CACNA1A: variants seen among roughly 807,000 people sequenced by gnomAD.
The protein encoded by CACNA1A is calcium voltage-gated channel subunit alpha1 A, also known as voltage-dependent P/Q-type calcium channel subunit alpha-1A.
CACNA1A carries 57 observed loss-of-function variants against 262.4 expected under a neutral mutation model. The observed-to-expected ratio is 0.22, with a 90% CI of 0.18 to 0.27. CACNA1A has a LOEUF of 0.27. Ranked by LOEUF, CACNA1A falls within the 10% of genes least tolerant of loss-of-function variation. CACNA1A has a pLI of 1.00. For missense variants in CACNA1A, 2,526 were observed against 3,562.8 expected, an observed-to-expected ratio of 0.71 and a Z score of 7.41; for synonymous variants, 1,431 against 1,419.3, an observed-to-expected ratio of 1.01 and a Z score of -0.18.
chr19:13,373,651 T>C (rs1382269250), intron 3 of CACNA1A, among the ~76,000 whole-genome samples: 3 of 152,208 alleles, frequency 2.0e-5, no homozygotes, highest in Non-Finnish European at 4.4e-5. Context: ...TCAGATGAAC[T>C]ACTTGCACAA....
intron 3 of CACNA1A, among the ~76,000 whole-genome samples, chr19:13,416,642 C>T (rs1363646700): frequency 3.9e-5 from 6 of 152,040 alleles, no homozygotes; most frequent in Admixed American, 6.6e-5. Context: ...GGTAAAACCT[C>T]ATCTCTACTA....
intron 3 of CACNA1A, among the ~76,000 whole-genome samples, chr19:13,441,657 C>CTG (rs1434264380): frequency 1.4e-5 from 2 of 143,138 alleles, no homozygotes; most frequent in African/African-American, 5.5e-5. Context: ...GAGCAAGACC[C>CTG]TGTCTCGAGG....
chr19:13,329,990 G>A (rs1297920582), intron 10 of CACNA1A, among the ~76,000 whole-genome samples: 5 of 152,078 alleles, frequency 3.3e-5, no homozygotes, highest in South Asian at 2.1e-4. Context: ...TGGGAGCTTC[G>A]TCCCTGCCAG....
Position 13,312,799 on chromosome 19 carries a change from G to C in CACNA1A, c.1556-18C>G. 1.1e-5 allele frequency: 14 copies of C among 1,330,442 alleles called. No individual in the cohort carries two copies. The highest frequency in any genetic ancestry group is 1.5e-5 in the Non-Finnish European group (14 of 959,458). The allele number at this position is 1,330,442 out of a possible 1,614,324, so 82.4% of individuals were successfully genotyped here. ...TGCATAGTCTAGAAGGGAGAAGGAGGAAACAGAGAGGAGGTTAGGCTTGCT... is the reference window on the plus strand; with the variant it reads ...TGCATAGTCTAGAAGGGAGAAGGAGCAAACAGAGAGGAGGTTAGGCTTGCT... On this transcript the variant is annotated intron_variant, in intron 11 of 46. Transcript: ENST00000360228.
At chr19:13,343,202 A>G (rs1202625890) in intron 6 of CACNA1A, among the ~76,000 whole-genome samples, 3 of 150,042 alleles carry the variant, frequency 2.0e-5, no homozygotes, top group Non-Finnish European at 3.0e-5. Flanking sequence ...GCTCACTGCA[A>G]CCTCCACCTC....
chr19:13,483,595 A>G (rs1979632075), intron 1 of CACNA1A, among the ~76,000 whole-genome samples: 1 of 152,184 alleles, frequency 6.6e-6, no homozygotes, highest in Non-Finnish European at 1.5e-5. Context: ...TGAAAAAGAG[A>G]GAAGAATCTC....
At chr19:13,370,783 G>A (rs935680759) in intron 4 of CACNA1A, 1 of 149,916 alleles carries the variant, frequency 6.7e-6, no homozygotes, top group African/African-American at 2.5e-5. Flanking sequence ...GGGGGTGGGG[G>A]TGGTGTTCCT....
At chr19:13,500,819 C>G (rs1055953668) in intron 1 of CACNA1A, among the ~76,000 whole-genome samples, 2 of 152,218 alleles carry the variant, frequency 1.3e-5, no homozygotes, top group African/African-American at 4.8e-5. Context: ...GGGAAGCAAA[C>G]TCTGGTCCAT....
intron 1 of CACNA1A, among the ~76,000 whole-genome samples, chr19:13,467,173 C>T (rs1033371390): frequency 6.6e-6 from 1 of 152,038 alleles, no homozygotes; most frequent in East Asian, 1.9e-4. Flanking sequence ...AAGACAAACA[C>T]GAAATTGCTA....
At chr19:13,426,453 G>A (rs978707085) in intron 3 of CACNA1A, among the ~76,000 whole-genome samples, 1 of 152,030 alleles carries the variant, frequency 6.6e-6, no homozygotes, top group East Asian at 1.9e-4. Context: ...GAGAGGCCAG[G>A]GATGCTCTAA....
At chr19:13,259,315 T>TTTTTTTG (rs2056660656) in intron 27 of CACNA1A, 1 of 111,822 alleles carries the variant, frequency 8.9e-6, no homozygotes, top group Non-Finnish European at 1.8e-5. Context: ...CTGGCAGCTT[T>TTTTTTTG]TTTTTTTTTT....
intron 1 of CACNA1A, among the ~76,000 whole-genome samples, chr19:13,475,394 C>A (rs1978404564): frequency 6.6e-6 from 1 of 152,192 alleles, no homozygotes; most frequent in Admixed American, 6.5e-5. Flanking sequence ...GCATCCATGA[C>A]AGTGGAGGCA....
intron 28 of CACNA1A, among the ~76,000 whole-genome samples, chr19:13,255,932 T>A (rs72997757): frequency 8.2e-6 from 1 of 122,670 alleles, no homozygotes; most frequent in Admixed American, 8.7e-5. Context: ...ATCTCCTTCC[T>A]TCCCTCCCTC....
At chr19:13,406,409 C>T (rs772794107) in intron 3 of CACNA1A, among the ~76,000 whole-genome samples, 46 of 140,126 alleles carry the variant, frequency 3.3e-4, no homozygotes, top group Non-Finnish European at 3.0e-4. Context: ...GAGCCAAGAT[C>T]GCGACAATGG....
At chr19:13,377,757 T>C (rs542649776) in intron 3 of CACNA1A, among the ~76,000 whole-genome samples, 1 of 152,162 alleles carries the variant, frequency 6.6e-6, no homozygotes, top group Non-Finnish European at 1.5e-5. Context: ...ATAGCTGCCA[T>C]AGATAAATTC....
chr19:13,471,788 G>C (rs1426889971), intron 1 of CACNA1A, among the ~76,000 whole-genome samples: 1 of 152,134 alleles, frequency 6.6e-6, no homozygotes, highest in East Asian at 1.9e-4. Context: ...GGGATACCGG[G>C]AGGGGAGGAT....
intron 10 of CACNA1A, among the ~76,000 whole-genome samples, chr19:13,329,783 C>CTTTT (rs148916478): frequency 0.076 from 10,594 of 138,942 alleles, 597 homozygotes; most frequent in African/African-American, 0.14. Flanking sequence ...CAGTTTGTGT[C>CTTTT]TTTTTTTTTT....
chr19:13,441,250 G>T (rs1047600185), intron 3 of CACNA1A, among the ~76,000 whole-genome samples: 1 of 152,124 alleles, frequency 6.6e-6, no homozygotes, highest in Non-Finnish European at 1.5e-5. Flanking sequence ...CAAAGACCAG[G>T]TCTTAACCAC....
intron 2 of CACNA1A, among the ~76,000 whole-genome samples, chr19:13,454,114 G>A (rs369007674): frequency 2.6e-5 from 4 of 151,646 alleles, no homozygotes; most frequent in African/African-American, 7.3e-5. Flanking sequence ...GTTGGTCACC[G>A]GGAAAACCAA....
Sources: gnomAD v4.1 joint callset for allele counts (sites outside exome capture counted in the v4.1 genomes callset) on GRCh38, gnomAD v4.1.1 for gene constraint, MANE v1.5 for transcripts, NCBI Gene and HGNC (gene_info 2026-07-23, HGNC 2026-07-21) for gene names.